Variants in DPH1 observed in about 807,000 individuals in gnomAD.
DPH1 encodes the protein 2-(3-amino-3-carboxypropyl)histidine synthase subunit 1.
In DPH1, 59 loss-of-function variants were observed where a neutral mutation model predicts 55.3. That is an observed-to-expected ratio of 1.07 (90% CI 0.87 to 1.33). The LOEUF (loss-of-function observed/expected upper bound fraction) is 1.33. DPH1 is among the 40% of genes most tolerant of loss of function. The pLI, the probability that DPH1 is intolerant of heterozygous loss-of-function variation, is 0.00. For missense variants in DPH1, 628 were observed against 584.8 expected (o/e 1.07, Z -0.76); for synonymous variants, 238 against 235.5 (o/e 1.01, Z -0.10).
At position 2,042,886 on chromosome 17, in the gene DPH1, A is replaced by G. The variant is rs757404246; in HGVS notation, c.*300A>G. On this transcript the variant is annotated 3_prime_UTR_variant, in exon 13 of 13. Coordinates refer to ENST00000263083, the MANE Select transcript of DPH1 (RefSeq NM_001383.6). ...GGTGTCTGGTTTCTGTCCCCGGGGC[A>G]TTGGGTTCAAGGAATCCATCCTGCA... 3.7e-6 allele frequency: 6 copies of G among 1,613,988 alleles called. No homozygotes were observed. In the Admixed American group the frequency reaches 1.0e-4, roughly 27 times the overall value.
At chr17:2,040,647 A>G (rs994354309) in intron 9 of DPH1, 42 bp downstream of exon 9, 1 of 1,603,826 alleles carries the variant, frequency 6.2e-7, no homozygotes, top group Admixed American at 1.7e-5. Flanking sequence ...GAAGCTTAGA[A>G]GCTGGGTCTT....
intron 12 of DPH1, chr17:2,042,365 G>C: frequency 7.6e-7 from 1 of 1,323,468 alleles, no homozygotes; most frequent in Non-Finnish European, 9.8e-7. Flanking sequence ...CATTTCTCGC[G>C]ACCCATACCC....
At position 2,033,675 on chromosome 17, in the gene DPH1, G is replaced by A. The variant is rs1367115937; in HGVS notation, c.214+18G>A. The A allele has an allele frequency of 6.2e-7, 1 of 1,613,668 alleles. No homozygotes were observed. Among genetic ancestry groups the A allele is most frequent in the Admixed American group, 1.7e-5 (1 of 59,990 alleles). On this transcript the variant is annotated intron_variant, in intron 2 of 12. Coordinates refer to ENST00000263083, the MANE Select transcript of DPH1 (RefSeq NM_001383.6). ...CAAGAAGGGTGAGCCTGTGATCATTGAGCTGGGGTTGGGGTGGAGAGGTTG... is the reference window on the plus strand; with the variant it reads ...CAAGAAGGGTGAGCCTGTGATCATTAAGCTGGGGTTGGGGTGGAGAGGTTG...
At chr17:2,041,011 T>TG (rs887649454) in intron 9 of DPH1, 92 bp from the exon 10 acceptor site, 28 of 1,201,636 alleles carry the variant, frequency 2.3e-5, no homozygotes, top group Non-Finnish European at 3.4e-5. Flanking sequence ...TGTTAATGAA[T>TG]GGGTGTGCTG....
At chr17:2,040,760 C>G (rs2067506249) in intron 9 of DPH1, 155 bp downstream of exon 9, 7 of 802,896 alleles carry the variant, frequency 8.7e-6, no homozygotes, top group Non-Finnish European at 1.4e-5. Context: ...TGGGTCATAC[C>G]TGCTTTGGGA....
At position 2,036,066 on chromosome 17, in the gene DPH1, G is replaced by C. The variant is rs544502349; in HGVS notation, c.375G>C (p.Leu125Phe). The C allele has an allele frequency of 6.2e-7, 1 of 1,613,962 alleles. No homozygotes were observed. The highest frequency in any genetic ancestry group is 1.7e-5 in the Admixed American group (1 of 60,004). ...CGAGGGCCCTGGGAGCTGACTTCTT[G>C]GTGCACTACGGCCACAGTTGCCTGA... Reference protein sequence around the residue: ...FTARALGADFLVHYGHSCLIP... With the variant: ...FTARALGADFFVHYGHSCLIP... The change falls in exon 4 of 13, where the codon TTG becomes TTC. Residue 125 changes from leucine (L) to phenylalanine (F), a missense_variant. Physicochemically the swap from Leu to Phe is conservative, Grantham distance 22 (BLOSUM62 0). Coordinates refer to ENST00000263083, the MANE Select transcript of DPH1 (RefSeq NM_001383.6). The surrounding 1 kb of genome is among the most constrained non-coding windows in gnomAD (Gnocchi z 4.8).
chr17:2,038,032 G>A lies in DPH1; in HGVS notation c.680+1076G>A, dbSNP rs139470602. 5.7e-3 allele frequency among the ~76,000 whole-genome samples: 868 copies of A among 152,148 alleles called. 5 individuals carry two copies. Among genetic ancestry groups the A allele is most frequent in the Middle Eastern group, 0.01 (3 of 294 alleles). ...GTCCAATAAACAGTAGCTGTTGGCC[G>A]GGCACAGTGGCTCACGCCTGTAATC... On this transcript the variant is annotated intron_variant, in intron 6 of 12. Coordinates refer to ENST00000263083, the MANE Select transcript of DPH1 (RefSeq NM_001383.6).
chr17:2,041,456 A>G lies in DPH1; in HGVS notation c.1087-25A>G, dbSNP rs764124968. 30 of 1,584,818 alleles carry G rather than the reference A, an allele frequency of 1.9e-5. No homozygotes were observed. In the South Asian group the frequency reaches 3.2e-4, roughly 17 times the overall value. Reference sequence around the variant, plus strand: ...GGGCAGAAAAACACTGGCAGATGTTATTGTCCCTCCCTCCCCTCCCCTAGG... The same window carrying G: ...GGGCAGAAAAACACTGGCAGATGTTGTTGTCCCTCCCTCCCCTCCCCTAGG... On this transcript the variant is annotated intron_variant, in intron 10 of 12. Transcript: ENST00000263083.
At position 2,040,594 on chromosome 17, in the gene DPH1, T is replaced by G. The variant is rs2236375; in HGVS notation, c.996T>G (p.Pro332=). Residue 332 remains proline (P), a synonymous_variant, in exon 9 of 13, where the codon CCT becomes CCG. Coordinates refer to ENST00000263083, the MANE Select transcript of DPH1 (RefSeq NM_001383.6). ...TCCCCAGCAAGCTTAGCCTACTTCCTGAGGTGGATGTGTGAGTATCTGCCT... is the reference window on the plus strand; with the variant it reads ...TCCCCAGCAAGCTTAGCCTACTTCCGGAGGTGGATGTGTGAGTATCTGCCT... ...EIFPSKLSLL[P]EVDVWVQVAC... 2 of 1,613,972 alleles carry G rather than the reference T, an allele frequency of 1.2e-6. No individual in the cohort carries two copies. The highest frequency in any genetic ancestry group is 3.3e-5 in the Admixed American group (2 of 60,012).
chr17:2,037,925 A>G (rs1358691849), intron 6 of DPH1, among the ~76,000 whole-genome samples: 1 of 152,190 alleles, frequency 6.6e-6, no homozygotes, highest in East Asian at 1.9e-4. Context: ...TACTATACGT[A>G]TCTGGGAGGA....
chr17:2,040,240 C>G lies in DPH1; in HGVS notation c.772C>G (p.Leu258Val), dbSNP rs1772938675. ...AYRYDPYSKV[L>V]SREHYDHQRM... ...CAGGTATGACCCATATAGCAAAGTC[C>G]TATCCAGAGAACACTATGACCACCA... Residue 258 changes from leucine (L) to valine (V), a missense_variant, in exon 8 of 13, where the codon CTA becomes GTA. Coordinates refer to ENST00000263083, the MANE Select transcript of DPH1 (RefSeq NM_001383.6). 3 of 1,614,096 alleles carry G rather than the reference C, an allele frequency of 1.9e-6. No individual in the cohort carries two copies. Among genetic ancestry groups the G allele is most frequent in the Non-Finnish European group, 1.7e-6 (2 of 1,180,036 alleles).
In DPH1 at chr17:2,043,822, A is replaced by G. The variant is rs2067587065; in HGVS notation, c.*1236A>G. The stretch of plus-strand genomic sequence containing the variant: ...TAACCTCGCTGAACTATGAGCCTGA[A>G]GGGTGGGTCGATGCCAGACCTTAGG... On this transcript the variant is annotated 3_prime_UTR_variant, in exon 13 of 13. Transcript: ENST00000263083. Among the ~76,000 whole-genome samples, 1 of 152,156 alleles carries G rather than the reference A, an allele frequency of 6.6e-6. No homozygotes were observed. Among genetic ancestry groups the G allele is most frequent in the Non-Finnish European group, 1.5e-5 (1 of 68,018 alleles).
At chr17:2,033,883 C>T in intron 3 of DPH1, 41 bp downstream of exon 3, 4 of 1,609,514 alleles carry the variant, frequency 2.5e-6, no homozygotes, top group Non-Finnish European at 3.4e-6. Flanking sequence ...AGCCAGGCTT[C>T]CCCCACCCCC....
rs763274002 is a variant in DPH1 at position 2,042,081 on chromosome 17, C to T, written c.*18+206C>T. 1.8e-5 allele frequency: 28 copies of T among 1,564,568 alleles called. No individual in the cohort carries two copies. The African/African-American group carries it at 3.3e-4, about 18-fold the overall frequency. On this transcript the variant is annotated intron_variant, in intron 12 of 12. Transcript: ENST00000263083. ...GCAGCGACCCCTGCGGGTCCTGTGC[C>T]TGGCGGGCTTCCGGCAGAGCGAGCG... is the stretch of plus-strand genomic sequence containing the variant.
At position 2,042,750 on chromosome 17, in the gene DPH1, G is replaced by T. The variant is rs1389029221; in HGVS notation, c.*164G>T. On this transcript the variant is annotated 3_prime_UTR_variant, in exon 13 of 13. Coordinates refer to ENST00000263083, the MANE Select transcript of DPH1 (RefSeq NM_001383.6). ...TGGCACAGGCACTGAACAGGCTGGG[G>T]CCTTTTGACGGCCTTCTTGGTTTCA... The T allele has an allele frequency of 1.9e-6, 3 of 1,603,948 alleles. No homozygotes were observed. The highest frequency in any genetic ancestry group is 2.6e-6 in the Non-Finnish European group (3 of 1,175,472).
In DPH1 at chr17:2,043,000, T is replaced by C. The variant is rs2067573763; in HGVS notation, c.*414T>C. 3.1e-6 allele frequency: 5 copies of C among 1,613,960 alleles called. No homozygotes were observed. The highest frequency in any genetic ancestry group is 4.2e-6 in the Non-Finnish European group (5 of 1,180,028). On this transcript the variant is annotated 3_prime_UTR_variant, in exon 13 of 13. Transcript: ENST00000263083. The stretch of plus-strand genomic sequence containing the variant: ...GGAGAGTGTGCAACTGGCCAGCCAA[T>C]TTCCCGGAGCCATCACCCTCACCCA...
chr17:2,040,283 G>A lies in DPH1; in HGVS notation c.815G>A (p.Arg272His), dbSNP rs373627981. ...GACCACCAGCGCATGCAGGCTGCTCGCCAAGAAGCCATAGCCACTGCCCGC... is the reference window on the plus strand; with the variant it reads ...GACCACCAGCGCATGCAGGCTGCTCACCAAGAAGCCATAGCCACTGCCCGC... Reference protein sequence around the residue: ...HYDHQRMQAARQEAIATARSA... With the variant: ...HYDHQRMQAAHQEAIATARSA... The change falls in exon 8 of 13, where the codon CGC (arginine) becomes CAC (histidine). Residue 272 changes from arginine (R) to histidine (H), a missense_variant. Coordinates refer to ENST00000263083, the MANE Select transcript of DPH1 (RefSeq NM_001383.6). The A allele has an allele frequency of 3.2e-5, 51 of 1,613,840 alleles. No homozygotes were observed. The highest frequency in any genetic ancestry group is 3.8e-5 in the Non-Finnish European group (45 of 1,180,036).
intron 12 of DPH1, 74 bp from the exon 13 acceptor site, chr17:2,042,531 T>A: frequency 2.0e-6 from 3 of 1,484,142 alleles, no homozygotes; most frequent in Non-Finnish European, 2.7e-6. Flanking sequence ...CGAACCCTCC[T>A]GCCCTTTCTC....
At chr17:2,041,451 A>G in intron 10 of DPH1, 30 bp from the exon 11 acceptor site, 1 of 1,579,360 alleles carries the variant, frequency 6.3e-7, no homozygotes, top group Non-Finnish European at 8.6e-7. Flanking sequence ...ACACTGGCAG[A>G]TGTTATTGTC....
Sources: allele counts gnomAD v4.1 joint callset (sites outside exome capture counted in the v4.1 genomes callset), GRCh38; gene constraint gnomAD v4.1.1; non-coding constraint Gnocchi (gnomAD v3.1); transcripts MANE v1.5; gene names NCBI Gene and HGNC (gene_info 2026-07-23, HGNC 2026-07-21).